Variants in CFAP95 observed in about 807,000 individuals in gnomAD.
CFAP95 encodes cilia- and flagella-associated protein 95.
At chr9:69,864,463 C>A in the CFAP95 span, among the ~76,000 whole-genome samples, 1 of 152,154 alleles carries the variant, frequency 6.6e-6, no homozygotes, top group African/African-American at 2.4e-5. Context: ...ATAGCCCTCT[C>A]TGGACTCCAG....
At chr9:69,859,877 A>T in the CFAP95 span, among the ~76,000 whole-genome samples, 1 of 152,332 alleles carries the variant, frequency 6.6e-6, no homozygotes, top group East Asian at 1.9e-4. Context: ...ATTATAACAC[A>T]GTGTTAAGTA....
the CFAP95 span, among the ~76,000 whole-genome samples, chr9:69,836,134 G>A: frequency 1.3e-5 from 2 of 152,204 alleles, no homozygotes; most frequent in Admixed American, 1.3e-4. Flanking sequence ...CTTATGAAAG[G>A]TGGTAGATGA....
the CFAP95 span, among the ~76,000 whole-genome samples, chr9:69,865,554 C>T: frequency 5.9e-5 from 9 of 152,134 alleles, no homozygotes; most frequent in African/African-American, 2.2e-4. Context: ...ATTTCTACCT[C>T]CCCACAAGCC....
chr9:69,822,284 G>A, the CFAP95 span, among the ~76,000 whole-genome samples: 1 of 152,186 alleles, frequency 6.6e-6, no homozygotes, highest in Admixed American at 6.5e-5. Flanking sequence ...GGCTAAGCCC[G>A]ACTTCATCCC....
chr9:69,884,027 T>C, the CFAP95 span, among the ~76,000 whole-genome samples: 1 of 152,128 alleles, frequency 6.6e-6, no homozygotes, highest in Non-Finnish European at 1.5e-5. Flanking sequence ...TAGGCACTTA[T>C]AGCTATAAAT....
chr9:69,873,809 G>A, the CFAP95 span, among the ~76,000 whole-genome samples: 3 of 152,144 alleles, frequency 2.0e-5, no homozygotes, highest in Non-Finnish European at 4.4e-5. Context: ...AGGTTTCTTT[G>A]AGCCTAAGAA....
At chr9:69,871,636 A>G in the CFAP95 span, among the ~76,000 whole-genome samples, 2 of 151,956 alleles carry the variant, frequency 1.3e-5, no homozygotes, top group African/African-American at 2.4e-5. Flanking sequence ...GGGGTAAAGC[A>G]GACTTGAGAT....
chr9:69,831,599 A>C, the CFAP95 span, among the ~76,000 whole-genome samples: 2 of 152,112 alleles, frequency 1.3e-5, no homozygotes, highest in Non-Finnish European at 2.9e-5. Context: ...CAGCAACTAC[A>C]ATGTACTGTG....
chr9:69,869,388 G>C, the CFAP95 span, among the ~76,000 whole-genome samples: 1 of 152,140 alleles, frequency 6.6e-6, no homozygotes, highest in African/African-American at 2.4e-5. Flanking sequence ...ACTTCTACGT[G>C]GAATCTAAAA....
chr9:69,883,587 T>C, the CFAP95 span, among the ~76,000 whole-genome samples: 3 of 152,332 alleles, frequency 2.0e-5, no homozygotes, highest in South Asian at 2.1e-4. Flanking sequence ...GTTCAGGTTT[T>C]GGATTTCCTC....
At chr9:69,822,749 C>A in the CFAP95 span, among the ~76,000 whole-genome samples, 1 of 152,136 alleles carries the variant, frequency 6.6e-6, no homozygotes, top group African/African-American at 2.4e-5. Flanking sequence ...AGGTGAGGAA[C>A]CTGGTGAGGA....
At chr9:69,871,760 A>G in the CFAP95 span, among the ~76,000 whole-genome samples, 1 of 152,100 alleles carries the variant, frequency 6.6e-6, no homozygotes, top group African/African-American at 2.4e-5. Flanking sequence ...TTGAGACTGG[A>G]GCACAAGAGA....
the CFAP95 span, among the ~76,000 whole-genome samples, chr9:69,852,170 T>A: frequency 6.6e-6 from 1 of 152,060 alleles, no homozygotes; most frequent in African/African-American, 2.4e-5. Flanking sequence ...TATATATTTT[T>A]TTTTTTTTGG....
chr9:69,890,514 A>T, the CFAP95 span, among the ~76,000 whole-genome samples: 1 of 152,252 alleles, frequency 6.6e-6, no homozygotes, highest in Non-Finnish European at 1.5e-5. Flanking sequence ...AACAGTGGAT[A>T]GTTAAATAAC....
At chr9:69,846,967 TGA>T in the CFAP95 span, among the ~76,000 whole-genome samples, 2 of 152,150 alleles carry the variant, frequency 1.3e-5, no homozygotes, top group African/African-American at 4.8e-5. Flanking sequence ...TTTCTCCAGT[TGA>T]GAGAGGTTTC....
chr9:69,904,112 T>A, the CFAP95 span, among the ~76,000 whole-genome samples: 7 of 152,184 alleles, frequency 4.6e-5, no homozygotes, highest in Non-Finnish European at 1.0e-4. Flanking sequence ...AGTGTTTTTT[T>A]AGTATATTTA....
the CFAP95 span, among the ~76,000 whole-genome samples, chr9:69,835,783 A>G: frequency 1.3e-5 from 2 of 152,160 alleles, no homozygotes; most frequent in Non-Finnish European, 2.9e-5. Context: ...ACAAAACAAT[A>G]TGAAAGGTGC....
At chr9:69,844,664 T>C in the CFAP95 span, 1 of 1,430,434 alleles carries the variant, frequency 7.0e-7, no homozygotes, top group South Asian at 1.2e-5. Flanking sequence ...GTCTGAAATC[T>C]TTGTCATAGT....
the CFAP95 span, among the ~76,000 whole-genome samples, chr9:69,869,815 C>T: frequency 6.6e-6 from 1 of 151,692 alleles, no homozygotes; most frequent in African/African-American, 2.4e-5. Flanking sequence ...TTAAGCCTGA[C>T]ATTTCCTTTA....
Sources: allele counts gnomAD v4.1 joint callset (sites outside exome capture counted in the v4.1 genomes callset), GRCh38; gene constraint gnomAD v4.1.1; transcripts MANE v1.5; gene names NCBI Gene and HGNC (gene_info 2026-07-23, HGNC 2026-07-21).